CLK3: variants seen among roughly 807,000 people sequenced by gnomAD.
CLK3 encodes the protein CDC like kinase 3, also known as dual specificity protein kinase CLK3.
Under a neutral mutation model 65.2 loss-of-function variants are expected in CLK3, and 24 were observed. That is an observed-to-expected ratio of 0.37 (90% CI 0.27 to 0.52). CLK3 has a LOEUF of 0.52. Ranked by LOEUF, CLK3 falls within the 20% of genes least tolerant of loss-of-function variation. The pLI is 0.92. For missense variants in CLK3, 506 were observed against 660.0 expected (o/e 0.77, Z 2.56); for synonymous variants, 252 against 240.8 (o/e 1.05, Z -0.43).
upstream of CLK3, among the ~76,000 whole-genome samples, chr15:74,611,948 G>A (rs1458977858): frequency 6.6e-6 from 1 of 152,198 alleles, no homozygotes; most frequent in East Asian, 1.9e-4. Context: ...AAAGTCTCCT[G>A]GTGATTGGAA....
Position 74,620,066 on chromosome 15 carries a change from C to T in CLK3, c.210C>T (p.Tyr70=), listed in dbSNP as rs1281730704. The part of the protein sequence containing the change: ...RYRERRDSDT[Y]RCEERSPSFG... ...GGGAGCGCCGTGACAGCGATACATACCGGTGTGAAGAGCGGAGCCCATCCT... is the reference window on the plus strand; with the variant it reads ...GGGAGCGCCGTGACAGCGATACATATCGGTGTGAAGAGCGGAGCCCATCCT... The change falls in exon 3 of 13, where the codon TAC becomes TAT. Residue 70 remains tyrosine, a synonymous_variant. Coordinates refer to ENST00000395066, the MANE Select transcript of CLK3 (RefSeq NM_001130028.2). 6.2e-7 allele frequency: 1 copy of T among 1,614,218 alleles called. No individual in the cohort carries two copies. The highest frequency in any genetic ancestry group is 1.1e-5 in the South Asian group (1 of 91,086).
chr15:74,629,321 G>A (rs1446004348), intron 12 of CLK3: 3 of 546,190 alleles, frequency 5.5e-6, no homozygotes, highest in South Asian at 2.0e-5. Context: ...CTCTCTCCTC[G>A]AAATTTTGGG....
intron 1 of CLK3, among the ~76,000 whole-genome samples, chr15:74,618,357 T>C (rs756462765): frequency 2.0e-5 from 3 of 152,104 alleles, no homozygotes; most frequent in Non-Finnish European, 2.9e-5. Flanking sequence ...GTGGGGCTCT[T>C]TTACCTGCCA....
chr15:74,613,683 G>A (rs1305779704), upstream of CLK3, among the ~76,000 whole-genome samples: 3 of 152,110 alleles, frequency 2.0e-5, no homozygotes, highest in Non-Finnish European at 4.4e-5. Context: ...GCAGGGCTGG[G>A]GACAGAAGCT....
At position 74,619,999 on chromosome 15, in the gene CLK3, CT is replaced by C. The variant is rs1567142630; in HGVS notation, c.153-6del. 9.9e-6 allele frequency: 16 copies of C among 1,614,014 alleles called. No individual in the cohort carries two copies. In the Admixed American group the frequency reaches 1.2e-4, roughly 12 times the overall value. On this transcript the variant is annotated splice_polypyrimidine_tract_variant and intron_variant, in intron 2 of 12. Transcript: ENST00000395066. ...CCAGCTGACCAGCGTCCCCATCCCC[CT>C]TTTGGCAGCCATGACCGCCTGCCCT...
intron 3 of CLK3, 107 bp downstream of exon 3, chr15:74,620,332 G>A: frequency 2.1e-5 from 30 of 1,415,782 alleles, no homozygotes; most frequent in Non-Finnish European, 2.6e-5. Context: ...CTGTGCACGT[G>A]CACTGGTGTG....
chr15:74,613,364 AGCAAGCCTCCTCTGAGGTGGG>A (rs1349179435), upstream of CLK3: 4 of 152,236 alleles, frequency 2.6e-5, no homozygotes, highest in African/African-American at 4.8e-5. Flanking sequence ...GTGGAGGTGG[AGCAAGCCTCCTCTGAGGTGGG>A]GATGGGAGTG....
upstream of CLK3, chr15:74,615,731 G>C: frequency 2.4e-6 from 3 of 1,238,850 alleles, no homozygotes; most frequent in South Asian, 1.1e-4. Flanking sequence ...CGGAGCCTTC[G>C]AGTCGGGGGC....
intron 7 of CLK3, among the ~76,000 whole-genome samples, chr15:74,626,223 G>A (rs574925152): frequency 1.3e-5 from 2 of 152,286 alleles, no homozygotes; most frequent in South Asian, 2.1e-4. Context: ...AAACAGAAAC[G>A]AACTGCTCTG....
At chr15:74,610,021 C>T (rs532049864) in intron 1 of CLK3, among the ~76,000 whole-genome samples, 4 of 152,350 alleles carry the variant, frequency 2.6e-5, no homozygotes, top group East Asian at 1.9e-4. Flanking sequence ...TAAGCCCCTG[C>T]GCTGCCTTCC....
chr15:74,619,481 C>T, intron 2 of CLK3, 133 bp downstream of exon 2: 1 of 881,344 alleles, frequency 1.1e-6, no homozygotes, highest in Non-Finnish European at 1.7e-6. Flanking sequence ...TCTTTGGGCT[C>T]CTCCACTAAC....
In CLK3 at chr15:74,619,252, G is replaced by GATGGAA; in HGVS notation, c.57_62dup (p.Trp20_Lys21dup). 6.2e-7 allele frequency: 1 copy of GATGGAA among 1,614,200 alleles called. No homozygotes were observed. Among genetic ancestry groups the GATGGAA allele is most frequent in the Non-Finnish European group, 8.5e-7 (1 of 1,180,034 alleles). Reference sequence around the variant, plus strand: ...GAACCAGACCCGTACCTGAGCTACCGATGGAAGAGGAGGAGGTCCTACAGT... The same window carrying GATGGAA: ...GAACCAGACCCGTACCTGAGCTACCGATGGAAATGGAAGAGGAGGAGGTCCTACAGT... On this transcript the variant is annotated inframe_insertion, in exon 2 of 13. Transcript: ENST00000395066.
At chr15:74,615,463 C>T, upstream of CLK3, 1 of 1,313,040 alleles carries the variant, frequency 7.6e-7, no homozygotes, top group Non-Finnish European at 9.7e-7. Flanking sequence ...CAATGCCCGT[C>T]CTCTCCGCGC....
rs1430991929 is a variant in CLK3, at chr15:74,622,242, A to G, written c.466+26A>G. ...GTACAGCCACCTTTCGTAAAACTTT[A>G]CCTCTCTACTTTCTACCCCCCTTGT... On this transcript the variant is annotated intron_variant, in intron 4 of 12. Transcript: ENST00000395066. This position sits in a 1 kb window ranked among gnomAD's most constrained non-coding sequence, Gnocchi z 4.6. 1.3e-6 allele frequency: 2 copies of G among 1,598,138 alleles called. No homozygotes were observed. Among genetic ancestry groups the G allele is most frequent in the Non-Finnish European group, 1.7e-6 (2 of 1,166,924 alleles).
Position 74,619,360 on chromosome 15 carries a change from C to T in CLK3, c.152+12C>T, listed in dbSNP as rs751521397. On this transcript the variant is annotated intron_variant, in intron 2 of 12. Coordinates refer to ENST00000395066, the MANE Select transcript of CLK3 (RefSeq NM_001130028.2). Reference sequence around the variant, plus strand: ...TCTCGGTCCAGAAGGTGAGAGGGAACTAGATAGGAGGGAAAGACTCCTTCT... The same window carrying T: ...TCTCGGTCCAGAAGGTGAGAGGGAATTAGATAGGAGGGAAAGACTCCTTCT... 6.2e-7 allele frequency: 1 copy of T among 1,613,734 alleles called. No homozygotes were observed. Among genetic ancestry groups the T allele is most frequent in the East Asian group, 2.2e-5 (1 of 44,876 alleles).
chr15:74,624,821 G>C lies in CLK3; in HGVS notation c.534-81G>C, dbSNP rs766172534. 2.9e-4 allele frequency: 281 copies of C among 983,518 alleles called. 2 individuals are homozygous for C. Among genetic ancestry groups the C allele is most frequent in the Non-Finnish European group, 6.4e-6 (4 of 627,540 alleles). 60.9% of individuals were successfully genotyped at this position (983,518 alleles called of 1,614,324 possible). On this transcript the variant is annotated intron_variant, in intron 5 of 12. Coordinates refer to ENST00000395066, the MANE Select transcript of CLK3 (RefSeq NM_001130028.2). This position sits in a 1 kb window ranked among gnomAD's most constrained non-coding sequence, Gnocchi z 4.2. ...CTGCTCCTGGAGTGGTGTTTGTTGGGAGTTGCTGGGTTGGGGTGGAGGGTT... is the reference window on the plus strand; with the variant it reads ...CTGCTCCTGGAGTGGTGTTTGTTGGCAGTTGCTGGGTTGGGGTGGAGGGTT...
chr15:74,627,624 C>A lies in CLK3; in HGVS notation c.998C>A (p.Thr333Asn), dbSNP rs776765931. The change falls in exon 9 of 13, where the codon ACC becomes AAC. Residue 333 changes from threonine to asparagine, a missense_variant. Physicochemically the swap from Thr to Asn is moderately conservative, Grantham distance 65. Around this residue, in one of 2 missense-constraint regions of CLK3, gnomAD observed 325 missense variants for 500.5 expected, o/e 0.65. Coordinates refer to ENST00000395066, the MANE Select transcript of CLK3 (RefSeq NM_001130028.2). The surrounding 1 kb of genome is among the most constrained non-coding windows in gnomAD (Gnocchi z 4.3). ...ACATTTGACCATGAGCACCACACCA[C>A]CATTGTGGCCACCCGTCACTATCGC... is the stretch of plus-strand genomic sequence containing the variant. ...SATFDHEHHT[T>N]IVATRHYRPP... The A allele has an allele frequency of 2.5e-6, 4 of 1,613,972 alleles. No homozygotes were observed. Among genetic ancestry groups the A allele is most frequent in the Non-Finnish European group, 8.5e-7 (1 of 1,180,046 alleles).
Position 74,624,563 on chromosome 15 carries a change from T to G in CLK3, c.534-339T>G. ...GCCAGGGTTGGGGCTGCCTGGCCTA[T>G]AGGTTAGGTCACTGTGTGAGCTCTT... On this transcript the variant is annotated intron_variant, in intron 5 of 12. Coordinates refer to ENST00000395066, the MANE Select transcript of CLK3 (RefSeq NM_001130028.2). The surrounding 1 kb of genome is among the most constrained non-coding windows in gnomAD (Gnocchi z 4.2). The G allele has an allele frequency of 1.5e-5, 4 of 263,948 alleles. No individual in the cohort carries two copies. Among genetic ancestry groups the G allele is most frequent in the Non-Finnish European group, 2.2e-5 (3 of 134,474 alleles). The allele number at this position is 263,948 out of a possible 1,614,324, so 16.4% of individuals were successfully genotyped here. A position where few individuals can be genotyped will look rare whatever the true frequency, so the allele number is the denominator to read the frequency against.
rs1293721801 is a variant in CLK3 at position 74,622,781 on chromosome 15, A to C, written c.533+221A>C. 6.6e-6 allele frequency among the ~76,000 whole-genome samples: 1 copy of C among 152,120 alleles called. No individual in the cohort carries two copies. Reference sequence around the variant, plus strand: ...CAGTTATGTGGCATCCCTACCCAAGAATTGTTGGTCAGTGAAAGGTTCTGC... The same window carrying C: ...CAGTTATGTGGCATCCCTACCCAAGCATTGTTGGTCAGTGAAAGGTTCTGC... On this transcript the variant is annotated intron_variant, in intron 5 of 12. Coordinates refer to ENST00000395066, the MANE Select transcript of CLK3 (RefSeq NM_001130028.2). The surrounding 1 kb of genome is among the most constrained non-coding windows in gnomAD (Gnocchi z 4.6).
Sources: gnomAD v4.1 joint callset for allele counts (sites outside exome capture counted in the v4.1 genomes callset) on GRCh38, gnomAD v4.1.1 for gene constraint, gnomAD v4.1.1 regional missense constraint, Gnocchi (gnomAD v3.1) non-coding constraint, MANE v1.5 for transcripts, NCBI Gene and HGNC (gene_info 2026-07-23, HGNC 2026-07-21) for gene names.